The following XPR1 variants were observed in gnomAD, a reference collection of about 807,000 sequenced individuals.
The protein encoded by XPR1 is solute carrier family 53 member 1.
Under a neutral mutation model 87.5 loss-of-function variants are expected in XPR1, and 28 were observed. That is an observed-to-expected ratio of 0.32 (90% confidence interval 0.24 to 0.44). The LOEUF (loss-of-function observed/expected upper bound fraction) is 0.44. XPR1 is among the 20% of genes least tolerant of loss of function. The pLI, the probability that XPR1 is intolerant of heterozygous loss-of-function variation, is 1.00. For synonymous variants in XPR1, 300 were observed against 306.1 expected (o/e 0.98, Z 0.21); for missense variants, 559 against 862.3 (o/e 0.65, Z 4.41).
At chr1:180,852,177 A>T (rs889543263) in intron 11 of XPR1, among the ~76,000 whole-genome samples, 1 of 152,130 alleles carries the variant, frequency 6.6e-6, no homozygotes, top group Non-Finnish European at 1.5e-5. Flanking sequence ...AACTCAGTGA[A>T]GGTTTTGAGG....
chr1:180,724,064 T>C (rs1243072829), intron 2 of XPR1, among the ~76,000 whole-genome samples: 2 of 152,152 alleles, frequency 1.3e-5, no homozygotes, highest in Non-Finnish European at 2.9e-5. Context: ...TTTCTGGAGA[T>C]GAGAAGGTAG....
chr1:180,797,760 G>A (rs12080611), intron 3 of XPR1, among the ~76,000 whole-genome samples: 6,490 of 152,102 alleles, frequency 0.043, 492 homozygotes, highest in African/African-American at 0.15. Context: ...ATTGTATGTA[G>A]TATTTTTTCA....
At chr1:180,798,048 A>G (rs1409720022) in intron 3 of XPR1, among the ~76,000 whole-genome samples, 1 of 152,178 alleles carries the variant, frequency 6.6e-6, no homozygotes, top group Non-Finnish European at 1.5e-5. Flanking sequence ...TTTAAAATAT[A>G]TGAATTGTTC....
intron 1 of XPR1, among the ~76,000 whole-genome samples, chr1:180,657,496 T>C (rs1236529204): frequency 6.6e-6 from 1 of 152,182 alleles, no homozygotes; most frequent in Non-Finnish European, 1.5e-5. Flanking sequence ...CTAGTTTTGT[T>C]CTTCTGCATG....
At chr1:180,658,536 C>G (rs1473147654) in intron 1 of XPR1, among the ~76,000 whole-genome samples, 1 of 151,986 alleles carries the variant, frequency 6.6e-6, no homozygotes. Context: ...TCAACATCAA[C>G]CAAAGTGATC....
At chr1:180,678,369 C>T (rs141018804) in intron 1 of XPR1, among the ~76,000 whole-genome samples, 3,599 of 152,298 alleles carry the variant, frequency 0.024, 64 homozygotes, top group Middle Eastern at 0.085. Flanking sequence ...CATGAAGCAT[C>T]TAGGACCCTT....
chr1:180,687,743 T>C (rs886608320), intron 2 of XPR1, among the ~76,000 whole-genome samples: 1 of 152,030 alleles, frequency 6.6e-6, no homozygotes. Flanking sequence ...CAAATCTCTA[T>C]TTAAAATAAA....
intron 11 of XPR1, among the ~76,000 whole-genome samples, chr1:180,837,557 C>T (rs1455204682): frequency 6.6e-6 from 1 of 151,888 alleles, no homozygotes; most frequent in Non-Finnish European, 1.5e-5. Context: ...GTCTAACGGT[C>T]ATAAAAGATC....
At chr1:180,702,032 G>T (rs1176889848) in intron 2 of XPR1, among the ~76,000 whole-genome samples, 5 of 85,736 alleles carry the variant, frequency 5.8e-5, no homozygotes, top group East Asian at 2.6e-4. Flanking sequence ...TGATGTTAGG[G>T]TGTCAATTTT....
chr1:180,872,694 A>C (rs1343272596), intron 12 of XPR1, among the ~76,000 whole-genome samples: 1 of 140,090 alleles, frequency 7.1e-6, no homozygotes, highest in Non-Finnish European at 1.5e-5. Flanking sequence ...GTGCGCACAC[A>C]CACTGGCCTG....
At chr1:180,809,223 C>G (rs1426020925) in intron 6 of XPR1, among the ~76,000 whole-genome samples, 1 of 151,960 alleles carries the variant, frequency 6.6e-6, no homozygotes, top group African/African-American at 2.4e-5. Flanking sequence ...TAAATAGTGA[C>G]AGAAAGGAGA....
At chr1:180,807,459 T>C (rs879430089) in intron 6 of XPR1, among the ~76,000 whole-genome samples, 1 of 152,226 alleles carries the variant, frequency 6.6e-6, no homozygotes, top group Non-Finnish European at 1.5e-5. Flanking sequence ...CTGTTTATAA[T>C]ATCATCAAAA....
At chr1:180,803,979 C>T (rs1649888192) in intron 4 of XPR1, among the ~76,000 whole-genome samples, 1 of 151,268 alleles carries the variant, frequency 6.6e-6, no homozygotes, top group African/African-American at 2.4e-5. Context: ...TCTTTTTTTT[C>T]CTTTCTTTTT....
chr1:180,681,409 G>T (rs1326492403), intron 1 of XPR1, among the ~76,000 whole-genome samples: 1 of 152,142 alleles, frequency 6.6e-6, no homozygotes, highest in Non-Finnish European at 1.5e-5. Context: ...ACTTTGGGAG[G>T]CCGAGGAGGG....
intron 2 of XPR1, among the ~76,000 whole-genome samples, chr1:180,716,173 G>T (rs1201235435): frequency 6.6e-6 from 1 of 152,062 alleles, no homozygotes; most frequent in Non-Finnish European, 1.5e-5. Context: ...GTCTCACTCT[G>T]TCACCCAGGC....
At chr1:180,712,222 A>G (rs1657824421) in intron 2 of XPR1, among the ~76,000 whole-genome samples, 1 of 152,200 alleles carries the variant, frequency 6.6e-6, no homozygotes, top group African/African-American at 2.4e-5. Context: ...TAAATAAAAT[A>G]AGTGTTACTT....
intron 14 of XPR1, among the ~76,000 whole-genome samples, chr1:180,883,563 G>T (rs775323117): frequency 7.2e-5 from 11 of 152,040 alleles, no homozygotes; most frequent in Non-Finnish European, 1.0e-4. Flanking sequence ...ACAAAACTTC[G>T]CCAAGCGTGG....
intron 2 of XPR1, among the ~76,000 whole-genome samples, chr1:180,695,923 T>C (rs1657149323): frequency 2.0e-5 from 3 of 152,076 alleles, no homozygotes. Context: ...GAGTCTTTTG[T>C]GGTTCCATGC....
intron 2 of XPR1, among the ~76,000 whole-genome samples, chr1:180,773,970 A>G (rs1648613822): frequency 1.3e-5 from 2 of 152,160 alleles, no homozygotes; most frequent in African/African-American, 4.8e-5. Flanking sequence ...TAAAAATTGC[A>G]TTTTCATAGT....
Sources: allele counts gnomAD v4.1 joint callset (sites outside exome capture counted in the v4.1 genomes callset), GRCh38; gene constraint gnomAD v4.1.1; transcripts MANE v1.5; gene names NCBI Gene and HGNC (gene_info 2026-07-23, HGNC 2026-07-21).